Variants in PPP5C observed in about 807,000 individuals in gnomAD.
PPP5C encodes serine/threonine-protein phosphatase 5.
In PPP5C, 21 loss-of-function variants were observed where a neutral mutation model predicts 66.7. The ratio of observed to expected loss-of-function variants is 0.31; its 90% CI spans 0.22 to 0.45. The LOEUF (loss-of-function observed/expected upper bound fraction) is 0.45, where lower values mean the gene tolerates loss of function less well. Among genes scored for constraint, PPP5C ranks in the 20% least tolerant of loss-of-function variants. The pLI is 1.00. For synonymous variants in PPP5C, 246 were observed against 257.4 expected (o/e 0.96, Z 0.43); for missense variants, 464 against 675.9 (o/e 0.69, Z 3.48).
chr19:46,380,898 T>TTAA (rs1417708522), intron 4 of PPP5C, among the ~76,000 whole-genome samples: 4 of 152,206 alleles, frequency 2.6e-5, no homozygotes, highest in Non-Finnish European at 5.9e-5. Context: ...AGTCTGTGGG[T>TTAA]TAATATCTTT....
intron 4 of PPP5C, among the ~76,000 whole-genome samples, chr19:46,379,317 G>T (rs920773391): frequency 6.6e-6 from 1 of 152,190 alleles, no homozygotes; most frequent in East Asian, 1.9e-4. Context: ...CTCCCAAAGT[G>T]CTGGAATTAC....
intron 4 of PPP5C, among the ~76,000 whole-genome samples, chr19:46,381,143 A>G (rs1402970864): frequency 2.0e-5 from 3 of 152,180 alleles, no homozygotes; most frequent in South Asian, 4.1e-4. Context: ...GTCAAGCCCA[A>G]CAAATGAATT....
intron 2 of PPP5C, among the ~76,000 whole-genome samples, chr19:46,372,189 T>G (rs934203099): frequency 3.9e-5 from 6 of 151,922 alleles, no homozygotes; most frequent in Non-Finnish European, 5.9e-5. Context: ...ATCATGTGGG[T>G]TTTTTTGTAT....
In PPP5C at chr19:46,383,734, GTC is replaced by G; in HGVS notation, c.700-37_700-36del. 4.0e-6 allele frequency: 6 copies of G among 1,483,418 alleles called. No homozygotes were observed. Among genetic ancestry groups the G allele is most frequent in the Non-Finnish European group, 4.7e-6 (5 of 1,062,806 alleles). 91.9% of individuals were successfully genotyped at this position (1,483,418 alleles called of 1,614,324 possible). On this transcript the variant is annotated intron_variant, in intron 5 of 12. Transcript: ENST00000012443. This position sits in a 1 kb window ranked among gnomAD's most constrained non-coding sequence, Gnocchi z 5.0. ...CCCCTCACCTCTGCCCCCTCCCCAC[GTC>G]TCTCTCTCGGCCCGTCCCTCTCCGG...
At chr19:46,354,620 G>A (rs1972251707) in intron 2 of PPP5C, among the ~76,000 whole-genome samples, 1 of 152,004 alleles carries the variant, frequency 6.6e-6, no homozygotes, top group African/African-American at 2.4e-5. Context: ...ATAGGGAGGA[G>A]ACCTCATCTC....
At chr19:46,380,944 A>T (rs1339872723) in intron 4 of PPP5C, among the ~76,000 whole-genome samples, 2 of 152,174 alleles carry the variant, frequency 1.3e-5, no homozygotes, top group Middle Eastern at 3.4e-3. Context: ...ATTATTTCTT[A>T]TATTTCTTCC....
At chr19:46,360,368 A>T (rs1347123466) in intron 2 of PPP5C, among the ~76,000 whole-genome samples, 4 of 152,206 alleles carry the variant, frequency 2.6e-5, no homozygotes, top group African/African-American at 9.6e-5. Flanking sequence ...TATGGTTTTT[A>T]ACATCCCAGA....
intron 4 of PPP5C, among the ~76,000 whole-genome samples, chr19:46,380,307 G>A (rs879903675): frequency 6.0e-5 from 9 of 150,854 alleles, no homozygotes; most frequent in Admixed American, 2.7e-4. Flanking sequence ...GCAACAGAGC[G>A]AGACTCCATC....
At chr19:46,379,149 A>T (rs570318271) in intron 4 of PPP5C, among the ~76,000 whole-genome samples, 1 of 152,308 alleles carries the variant, frequency 6.6e-6, no homozygotes, top group South Asian at 2.1e-4. Context: ...TGTGTCCCAG[A>T]TTCAAGTGAT....
chr19:46,382,673 G>T, intron 4 of PPP5C: 1 of 429,728 alleles, frequency 2.3e-6, no homozygotes, highest in Non-Finnish European at 3.1e-6. Flanking sequence ...TAACCCATTT[G>T]AAAGTAAGTT....
intron 2 of PPP5C, among the ~76,000 whole-genome samples, chr19:46,363,191 C>A (rs1972423488): frequency 7.2e-6 from 1 of 138,928 alleles, no homozygotes; most frequent in African/African-American, 2.6e-5. Flanking sequence ...GCCTGTAGTC[C>A]CAGCTACTTG....
chr19:46,371,921 C>A (rs1390628398), intron 2 of PPP5C, among the ~76,000 whole-genome samples: 1 of 152,138 alleles, frequency 6.6e-6, no homozygotes, highest in Non-Finnish European at 1.5e-5. Context: ...CATGTGGGAT[C>A]TTGATGCTGC....
At chr19:46,387,297 T>C in intron 8 of PPP5C, 62 bp downstream of exon 8, 1 of 1,611,930 alleles carries the variant, frequency 6.2e-7, no homozygotes, top group Non-Finnish European at 8.5e-7. Flanking sequence ...GCAGATGTGC[T>C]GGTGAAGGAA....
intron 2 of PPP5C, among the ~76,000 whole-genome samples, chr19:46,357,759 A>G (rs1972312114): frequency 6.6e-6 from 1 of 152,242 alleles, no homozygotes; most frequent in African/African-American, 2.4e-5. Context: ...TGAGATGCGC[A>G]GAGCAACGTG....
rs780868078 is a variant in PPP5C at position 46,387,180 on chromosome 19, T to A, written c.992T>A (p.Phe331Tyr). ...AKYTAQMYELFSEVFEWLPLA... is the reference protein window; with the variant it reads ...AKYTAQMYELYSEVFEWLPLA... ...TACACAGCCCAGATGTACGAGCTCT[T>A]TAGCGAGGTGTTCGAGTGGCTCCCG... Residue 331 changes from phenylalanine to tyrosine, a missense_variant, in exon 8 of 13, where the codon TTT becomes TAT. This residue lies in a region of PPP5C where 387 missense variants were observed against 626.0 expected (regional missense o/e 0.62). Coordinates refer to ENST00000012443, the MANE Select transcript of PPP5C (RefSeq NM_006247.4). 1 of 1,614,202 alleles carries A rather than the reference T, an allele frequency of 6.2e-7. No individual in the cohort carries two copies. Among genetic ancestry groups the A allele is most frequent in the Non-Finnish European group, 8.5e-7 (1 of 1,180,036 alleles).
intron 4 of PPP5C, among the ~76,000 whole-genome samples, chr19:46,377,067 G>T (rs189762687): frequency 1.3e-3 from 199 of 152,292 alleles, no homozygotes; most frequent in African/African-American, 4.5e-3. Flanking sequence ...ACCTCTCAGG[G>T]CTACAGGGAC....
At chr19:46,380,732 T>G (rs907476897) in intron 4 of PPP5C, among the ~76,000 whole-genome samples, 1 of 152,252 alleles carries the variant, frequency 6.6e-6, no homozygotes, top group Non-Finnish European at 1.5e-5. Context: ...AATGTGTTTT[T>G]TTCCCATTGC....
chr19:46,364,534 TG>T (rs1972458727), intron 2 of PPP5C, among the ~76,000 whole-genome samples: 1 of 152,106 alleles, frequency 6.6e-6, no homozygotes, highest in Non-Finnish European at 1.5e-5. Flanking sequence ...CTTTGGGAGG[TG>T]GGTCATATTT....
chr19:46,357,208 C>A (rs1406331836), intron 2 of PPP5C, among the ~76,000 whole-genome samples: 1 of 152,126 alleles, frequency 6.6e-6, no homozygotes, highest in African/African-American at 2.4e-5. Context: ...CCATCAAGCC[C>A]GGGTAATTTG....
Sources: gnomAD v4.1 joint callset for allele counts (sites outside exome capture counted in the v4.1 genomes callset) on GRCh38, gnomAD v4.1.1 for gene constraint, gnomAD v4.1.1 regional missense constraint, Gnocchi (gnomAD v3.1) non-coding constraint, MANE v1.5 for transcripts, NCBI Gene and HGNC (gene_info 2026-07-23, HGNC 2026-07-21) for gene names.